DPP10: variants seen among roughly 807,000 people sequenced by gnomAD.
DPP10 encodes the protein dipeptidyl peptidase like 10.
A neutral mutation model predicts 120.9 loss-of-function variants in DPP10; 33 were observed. That is an observed-to-expected ratio of 0.27 (90% CI 0.21 to 0.37). DPP10 has a LOEUF of 0.37. DPP10 is among the 10% of genes least tolerant of loss of function. DPP10 has a pLI of 1.00. For synonymous variants in DPP10, 337 were observed against 326.1 expected, an observed-to-expected ratio of 1.03 and a Z score of -0.36; for missense variants, 816 against 942.8, an observed-to-expected ratio of 0.87 and a Z score of 1.76.
chr2:115,511,144 A>G (rs936536347), intron 4 of DPP10, among the ~76,000 whole-genome samples: 1 of 151,784 alleles, frequency 6.6e-6, no homozygotes, highest in Non-Finnish European at 1.5e-5. Context: ...TCTTCCTTTT[A>G]TTTTTTGGAA....
chr2:115,834,885 G>A (rs1689292269), intron 21 of DPP10, among the ~76,000 whole-genome samples: 2 of 152,132 alleles, frequency 1.3e-5, no homozygotes, highest in South Asian at 4.1e-4. Flanking sequence ...AGGAGATCGA[G>A]ACCATCCTGG....
intron 1 of DPP10, among the ~76,000 whole-genome samples, chr2:114,754,088 G>A (rs943652481): frequency 6.6e-6 from 1 of 152,124 alleles, no homozygotes; most frequent in Admixed American, 6.5e-5. Flanking sequence ...GTTCAAACTG[G>A]AAGATTGGGA....
At chr2:114,610,166 CCA>C (rs1282280594) in intron 1 of DPP10, among the ~76,000 whole-genome samples, 1 of 152,090 alleles carries the variant, frequency 6.6e-6, no homozygotes, top group Non-Finnish European at 1.5e-5. Context: ...CTTTGCTTCC[CCA>C]CATTGTTTTT....
intron 5 of DPP10, among the ~76,000 whole-genome samples, chr2:115,594,210 C>A (rs956244889): frequency 6.6e-6 from 1 of 152,092 alleles, no homozygotes; most frequent in African/African-American, 2.4e-5. Context: ...CTAAATTAAC[C>A]ACTATCTCTA....
At chr2:115,468,591 G>C (rs1038616400) in intron 3 of DPP10, 20 of 392,822 alleles carry the variant, frequency 5.1e-5, no homozygotes, top group Non-Finnish European at 8.9e-5. Flanking sequence ...GGCCCGGGGA[G>C]TTCTGCACTT....
At chr2:115,631,848 G>C (rs973193064) in intron 5 of DPP10, among the ~76,000 whole-genome samples, 5 of 152,154 alleles carry the variant, frequency 3.3e-5, no homozygotes, top group Admixed American at 6.5e-5. Flanking sequence ...ATCAATTTTA[G>C]AGTAAGTGCC....
chr2:115,225,352 C>T (rs367992524), intron 1 of DPP10, among the ~76,000 whole-genome samples: 2 of 151,986 alleles, frequency 1.3e-5, no homozygotes, highest in African/African-American at 2.4e-5. Context: ...CGTGAGAGGC[C>T]GATCTCAGGT....
chr2:115,149,058 T>C (rs550753019), intron 1 of DPP10, among the ~76,000 whole-genome samples: 1 of 152,328 alleles, frequency 6.6e-6, no homozygotes, highest in Admixed American at 6.5e-5. Flanking sequence ...TTGTGGATTT[T>C]ACCCCAGGGT....
chr2:115,231,190 A>G (rs1408138175), intron 1 of DPP10, among the ~76,000 whole-genome samples: 1 of 152,042 alleles, frequency 6.6e-6, no homozygotes, highest in African/African-American at 2.4e-5. Flanking sequence ...GGTATTATAG[A>G]TTAAAAAAAT....
In DPP10 at chr2:115,499,613, TG is replaced by T. The variant is rs2076579144; in HGVS notation, c.366+10del. On this transcript the variant is annotated intron_variant, in intron 4 of 25. Transcript: ENST00000410059. ...TGGAAAACACAACTTTTGTAAGTAA[TG>T]AATAATTAATTACTTTATGCATTTC... The T allele has an allele frequency of 6.3e-7, 1 of 1,594,282 alleles. No individual in the cohort carries two copies. Among genetic ancestry groups the T allele is most frequent in the South Asian group, 1.1e-5 (1 of 90,446 alleles).
chr2:115,750,484 T>G (rs561146456), intron 10 of DPP10, among the ~76,000 whole-genome samples: 1 of 152,320 alleles, frequency 6.6e-6, no homozygotes, highest in Non-Finnish European at 1.5e-5. Context: ...GAGCTTTCAT[T>G]CTTCAGATTG....
chr2:115,400,181 C>T (rs919596427), intron 3 of DPP10, among the ~76,000 whole-genome samples: 13 of 152,082 alleles, frequency 8.5e-5, no homozygotes, highest in African/African-American at 2.4e-4. Flanking sequence ...TCCCACCACA[C>T]GCCGCCTCCA....
chr2:115,403,527 G>A (rs2068273416), intron 3 of DPP10, among the ~76,000 whole-genome samples: 1 of 151,642 alleles, frequency 6.6e-6, no homozygotes, highest in Admixed American at 6.6e-5. Context: ...AGCCTCCAGA[G>A]TAGCTGGGAC....
At chr2:114,899,914 C>T (rs570082446) in intron 1 of DPP10, among the ~76,000 whole-genome samples, 1 of 152,230 alleles carries the variant, frequency 6.6e-6, no homozygotes, top group South Asian at 2.1e-4. Flanking sequence ...GAGCCAAGAT[C>T]GCACCACTGC....
At chr2:115,235,757 C>A (rs1042175460) in intron 1 of DPP10, among the ~76,000 whole-genome samples, 1 of 152,104 alleles carries the variant, frequency 6.6e-6, no homozygotes, top group Non-Finnish European at 1.5e-5. Flanking sequence ...GATGGGATTT[C>A]ACCATGTTAG....
chr2:115,211,611 T>C (rs974009421), intron 1 of DPP10, among the ~76,000 whole-genome samples: 11 of 152,122 alleles, frequency 7.2e-5, no homozygotes, highest in African/African-American at 2.7e-4. Context: ...ATATCGGCTC[T>C]GGGAGGACAC....
At chr2:114,553,924 T>C (rs1558874912) in intron 1 of DPP10, among the ~76,000 whole-genome samples, 1 of 152,174 alleles carries the variant, frequency 6.6e-6, no homozygotes, top group Non-Finnish European at 1.5e-5. Flanking sequence ...CAAGATTCCA[T>C]CTTTTTGAAG....
intron 1 of DPP10, among the ~76,000 whole-genome samples, chr2:114,865,346 G>A (rs960393738): frequency 5.3e-5 from 8 of 152,166 alleles, no homozygotes; most frequent in African/African-American, 1.7e-4. Flanking sequence ...GGTGAAACAA[G>A]TTTTCAATTC....
rs564438149 is a variant in DPP10, at chr2:114,889,795, C to T, written c.61-419444C>T. Among the ~76,000 whole-genome samples, 47 of 152,236 alleles carry T rather than the reference C, an allele frequency of 3.1e-4. 2 individuals are homozygous for T. In the South Asian group the frequency reaches 7.9e-3, roughly 26 times the overall value. ...CTAGAAATTTGACAGATGATTGTCA[C>T]GATTCAATCCCTTTTTCTTCATGTT... On this transcript the variant is annotated intron_variant, in intron 1 of 25. Coordinates refer to ENST00000410059, the MANE Select transcript of DPP10 (RefSeq NM_020868.6).
Sources: allele counts gnomAD v4.1 joint callset (sites outside exome capture counted in the v4.1 genomes callset), GRCh38; gene constraint gnomAD v4.1.1; transcripts MANE v1.5; gene names NCBI Gene and HGNC (gene_info 2026-07-23, HGNC 2026-07-21).